Variants in SCN10A observed in about 807,000 individuals in gnomAD.
SCN10A encodes the protein sodium channel protein type 10 subunit alpha.
In SCN10A, 162 loss-of-function variants were observed where a neutral mutation model predicts 170.7. The ratio of observed to expected loss-of-function variants is 0.95; its 90% confidence interval spans 0.84 to 1.08. The LOEUF is 1.08. Among genes scored for constraint, SCN10A ranks in the 50% least tolerant of loss-of-function variants. The pLI, the probability that SCN10A is intolerant of heterozygous loss-of-function variation, is 0.00. For synonymous variants in SCN10A, 985 were observed against 904.6 expected (o/e 1.09, Z -1.59); for missense variants, 2,527 against 2,436.9 (o/e 1.04, Z -0.78).
intron 4 of SCN10A, among the ~76,000 whole-genome samples, chr3:38,781,501 A>G (rs941513792): frequency 5.9e-5 from 9 of 152,144 alleles, no homozygotes; most frequent in African/African-American, 1.7e-4. Flanking sequence ...GAATTGGGCT[A>G]TGAAGTTTTG....
intron 20 of SCN10A, among the ~76,000 whole-genome samples, chr3:38,719,987 C>T (rs2063373586): frequency 1.3e-5 from 2 of 152,258 alleles, no homozygotes; most frequent in African/African-American, 4.8e-5. Context: ...ATCCTCCCCG[C>T]TGGGGCAGCC....
In SCN10A at chr3:38,742,614, TTAA is replaced by T. The variant is rs563415295; in HGVS notation, c.1868-88_1868-86del. 346 of 983,184 alleles carry T rather than the reference TTAA, an allele frequency of 3.5e-4. No individual in the cohort carries two copies. In the African/African-American group the frequency reaches 4.3e-3, roughly 12 times the overall value. 60.9% of individuals were successfully genotyped at this position (983,184 alleles called of 1,614,324 possible). A position where few individuals can be genotyped will look rare whatever the true frequency, so the allele number is the denominator to read the frequency against. On this transcript the variant is annotated intron_variant, in intron 13 of 27. Transcript: ENST00000449082. ...TGCGGTCATCCTCTAGACCTTGTTG[TTAA>T]TAATAAGTACCACCTCCAACATTTT...
intron 15 of SCN10A, among the ~76,000 whole-genome samples, chr3:38,730,230 C>T (rs1217039968): frequency 6.6e-6 from 1 of 152,160 alleles, no homozygotes; most frequent in Non-Finnish European, 1.5e-5. Flanking sequence ...AATTGAATGG[C>T]TGGTGTTAGG....
Position 38,792,103 on chromosome 3 carries a change from T to G in SCN10A, c.336A>C (p.Leu112=), listed in dbSNP as rs1228237947. 1 of 1,613,824 alleles carries G rather than the reference T, an allele frequency of 6.2e-7. No homozygotes were observed. The highest frequency in any genetic ancestry group is 1.7e-5 in the Admixed American group (1 of 60,004). Residue 112 remains leucine (L), a synonymous_variant, in exon 3 of 28, where the codon CTA becomes CTC. Transcript: ENST00000449082. ...TTCTGATCAGGTTGAAAGGACTGAA[T>G]AGCCACAGGGCCCGAGTGGCACTAA... ...SRFSATRALW[L]FSPFNLIRRT... is the part of the protein sequence containing the mutation.
At chr3:38,704,157 G>A (rs1350391238) in intron 26 of SCN10A, among the ~76,000 whole-genome samples, 1 of 152,154 alleles carries the variant, frequency 6.6e-6, no homozygotes, top group African/African-American at 2.4e-5. Context: ...CAAGCAGAGG[G>A]GGAAGTGCTG....
chr3:38,734,765 C>A (rs993673520), intron 15 of SCN10A, among the ~76,000 whole-genome samples: 17 of 152,024 alleles, frequency 1.1e-4, no homozygotes, highest in Non-Finnish European at 2.1e-4. Context: ...TTTTTGGGAT[C>A]AGAAAATTGA....
chr3:38,726,657 A>G lies in SCN10A; in HGVS notation c.3036T>C (p.Asp1012=), dbSNP rs770360889. Residue 1012 remains aspartate (D), a synonymous_variant, in exon 17 of 28, where the codon GAT becomes GAC. Coordinates refer to ENST00000449082, the MANE Select transcript of SCN10A (RefSeq NM_006514.4). ...GESDLDDLED[D]GGEDAQSFQQ... is the part of the protein sequence containing the mutation. ...GGAAGCTCTGAGCATCTTCCCCACC[A>G]TCATCCTCCAAGTCATCAAGATCAG... 9 of 1,606,440 alleles carry G rather than the reference A, an allele frequency of 5.6e-6. No homozygotes were observed. The South Asian group carries it at 9.9e-5, about 18-fold the overall frequency.
chr3:38,798,644 G>A (rs2064354121), intron 1 of SCN10A, among the ~76,000 whole-genome samples: 2 of 152,104 alleles, frequency 1.3e-5, no homozygotes, highest in Admixed American at 6.5e-5. Context: ...GCTCGGCCCT[G>A]GCTTTCAAAC....
chr3:38,744,814 A>G (rs187841420), intron 13 of SCN10A, among the ~76,000 whole-genome samples: 130 of 152,234 alleles, frequency 8.5e-4, no homozygotes, highest in Non-Finnish European at 1.6e-3. Flanking sequence ...TTGTCATGTT[A>G]TTACCATTTA....
chr3:38,705,370 T>C (rs566562404), intron 26 of SCN10A, among the ~76,000 whole-genome samples: 12 of 152,228 alleles, frequency 7.9e-5, no homozygotes, highest in African/African-American at 1.9e-4. Context: ...AGGAACAGAA[T>C]TGGTTATGAG....
Position 38,761,200 on chromosome 3 carries a change from T to C in SCN10A, c.875A>G (p.His292Arg). 1.2e-6 allele frequency: 2 copies of C among 1,610,528 alleles called. No individual in the cohort carries two copies. Among genetic ancestry groups the C allele is most frequent in the African/African-American group, 2.7e-5 (2 of 75,014 alleles). ...AVNETTNYSSHRKPDIYINKR... is the reference protein window; with the variant it reads ...AVNETTNYSSRRKPDIYINKR... ...GAAGAGACTCCACTCACGTTTTCTG[T>C]GAGATGAGTAGTTGGTTGTCTCATT... Residue 292 changes from histidine to arginine, a missense_variant, in exon 7 of 28, where the codon CAC (histidine) becomes CGC (arginine). Transcript: ENST00000449082.
At chr3:38,815,231 G>T (rs935056972) in intron 1 of SCN10A, among the ~76,000 whole-genome samples, 1 of 152,184 alleles carries the variant, frequency 6.6e-6, no homozygotes, top group African/African-American at 2.4e-5. Flanking sequence ...CTCTCTGAAC[G>T]TGTATAAATG....
chr3:38,807,289 T>C (rs2064410503), intron 1 of SCN10A, among the ~76,000 whole-genome samples: 1 of 152,194 alleles, frequency 6.6e-6, no homozygotes, highest in Admixed American at 6.5e-5. Flanking sequence ...ATTAAGGTTT[T>C]CTAGGGATGC....
At chr3:38,730,200 T>A (rs964200401) in intron 15 of SCN10A, among the ~76,000 whole-genome samples, 1 of 151,996 alleles carries the variant, frequency 6.6e-6, no homozygotes, top group Admixed American at 6.6e-5. Context: ...CCACAAACAA[T>A]CCCAGGAGAA....
intron 11 of SCN10A, among the ~76,000 whole-genome samples, chr3:38,753,291 A>G (rs1559444696): frequency 1.3e-5 from 2 of 152,242 alleles, no homozygotes; most frequent in Non-Finnish European, 2.9e-5. Context: ...GGTAGTTCCC[A>G]TGACCATAGT....
intron 15 of SCN10A, among the ~76,000 whole-genome samples, chr3:38,735,995 A>C (rs1160671203): frequency 6.6e-6 from 1 of 152,240 alleles, no homozygotes. Context: ...TGATGAAGGA[A>C]TCCAACTTTA....
At chr3:38,749,801 A>C (rs1328152801) in intron 13 of SCN10A, among the ~76,000 whole-genome samples, 1 of 152,238 alleles carries the variant, frequency 6.6e-6, no homozygotes, top group Non-Finnish European at 1.5e-5. Context: ...TTAAAAATCT[A>C]GTTTTGTGAT....
chr3:38,785,045 T>A (rs565159780), intron 4 of SCN10A, among the ~76,000 whole-genome samples: 1 of 152,206 alleles, frequency 6.6e-6, no homozygotes, highest in African/African-American at 2.4e-5. Flanking sequence ...ATTGTGAAAA[T>A]GGCCATACTG....
chr3:38,797,607 G>C (rs189910592), intron 1 of SCN10A, among the ~76,000 whole-genome samples: 1 of 152,176 alleles, frequency 6.6e-6, no homozygotes, highest in Non-Finnish European at 1.5e-5. Flanking sequence ...GTTGACTTCA[G>C]TGTCTTTAAT....
Sources: allele counts gnomAD v4.1 joint callset (sites outside exome capture counted in the v4.1 genomes callset), GRCh38; gene constraint gnomAD v4.1.1; transcripts MANE v1.5; gene names NCBI Gene and HGNC (gene_info 2026-07-23, HGNC 2026-07-21).